Variants in FAM186B observed in about 807,000 individuals in gnomAD.
FAM186B encodes the protein protein FAM186B.
In FAM186B, 68 loss-of-function variants were observed where a neutral mutation model predicts 83.4. The ratio of observed to expected loss-of-function variants is 0.81; its 90% CI spans 0.67 to 1.00. The LOEUF (loss-of-function observed/expected upper bound fraction) is 1.00, where lower values mean the gene tolerates loss of function less well. FAM186B is among the 50% of genes least tolerant of loss of function. FAM186B has a pLI of 0.00. For synonymous variants in FAM186B, 389 were observed against 422.0 expected (o/e 0.92, Z 0.96); for missense variants, 983 against 1,099.2 (o/e 0.89, Z 1.49).
chr12:49,601,600 C>T (rs1041175329), intron 3 of FAM186B, among the ~76,000 whole-genome samples: 1 of 151,798 alleles, frequency 6.6e-6, no homozygotes, highest in Non-Finnish European at 1.5e-5. Context: ...ACATGGTCCT[C>T]CAACTGTTCA....
At chr12:49,592,124 G>C (rs1939593875) in intron 5 of FAM186B, among the ~76,000 whole-genome samples, 1 of 152,184 alleles carries the variant, frequency 6.6e-6, no homozygotes, top group Non-Finnish European at 1.5e-5. Flanking sequence ...ACTATTGTAA[G>C]GTTCTTACAC....
Position 49,600,256 on chromosome 12 carries a change from G to C in FAM186B, c.1384C>G (p.Gln462Glu), listed in dbSNP as rs566685124. The C allele has an allele frequency of 1.9e-6, 3 of 1,613,930 alleles. No homozygotes were observed. The highest frequency in any genetic ancestry group is 2.5e-6 in the Non-Finnish European group (3 of 1,179,968). ...TGCCTGGAGCTCTCTAGAGACAGCT[G>C]CTTGCTACAGTGGAACTTAATTTGG... ...GLQIKFHCSK[Q>E]LSLESSRQVT... Residue 462 changes from glutamine (Q) to glutamate (E), a missense_variant, in exon 4 of 7, where the codon CAG (glutamine) becomes GAG (glutamate). Gln to Glu is a conservative substitution (Grantham distance 29). Transcript: ENST00000257894. This position sits in a 1 kb window ranked among gnomAD's most constrained non-coding sequence, Gnocchi z 4.3.
chr12:49,593,617 A>G (rs1415338280), intron 5 of FAM186B, among the ~76,000 whole-genome samples: 1 of 149,248 alleles, frequency 6.7e-6, no homozygotes, highest in Non-Finnish European at 1.5e-5. Context: ...CCTGGGTGAC[A>G]GCAAGACTCC....
chr12:49,610,159 G>C (rs1361999390), upstream of FAM186B, among the ~76,000 whole-genome samples: 1 of 148,668 alleles, frequency 6.7e-6, no homozygotes, highest in African/African-American at 2.5e-5. Flanking sequence ...AAAAAAAACC[G>C]ATATTATAGG....
At position 49,604,420 on chromosome 12, in the gene FAM186B, T is replaced by C. The variant is rs1319082726; in HGVS notation, c.215A>G (p.Lys72Arg). The C allele has an allele frequency of 1.2e-6, 2 of 1,614,272 alleles. No homozygotes were observed. Among genetic ancestry groups the C allele is most frequent in the Non-Finnish European group, 1.7e-6 (2 of 1,180,042 alleles). The change falls in exon 2 of 7, where the codon AAG becomes AGG. Residue 72 changes from lysine (K) to arginine (R), a missense_variant. Physicochemically the swap from Lys to Arg is conservative, Grantham distance 26 (BLOSUM62 2). Coordinates refer to ENST00000257894, the MANE Select transcript of FAM186B (RefSeq NM_032130.3). ...CAGCAAGATGAATCTCTTCTTGCCC[T>C]TTGGATCTCTCTGCTGAGATTTGGC... ...ENAKSQQRDPKGKKRFILLEK... is the reference protein window; with the variant it reads ...ENAKSQQRDPRGKKRFILLEK...
intron 5 of FAM186B, among the ~76,000 whole-genome samples, chr12:49,591,993 T>C (rs748654043): frequency 6.6e-6 from 1 of 152,142 alleles, no homozygotes; most frequent in African/African-American, 2.4e-5. Context: ...GTTGATTGAA[T>C]CCACAGATGC....
chr12:49,584,732 CA>C (rs1413515262), downstream of FAM186B: 1 of 660,936 alleles, frequency 1.5e-6, no homozygotes, highest in East Asian at 2.7e-5. Flanking sequence ...AGCCCAGACT[CA>C]GCCTGGACAC....
Position 49,591,383 on chromosome 12 carries a change from T to C in FAM186B, c.2365-2760A>G, listed in dbSNP as rs75013722. On this transcript the variant is annotated intron_variant, in intron 5 of 6. Coordinates refer to ENST00000257894, the MANE Select transcript of FAM186B (RefSeq NM_032130.3). The stretch of plus-strand genomic sequence containing the variant: ...ACCATCCTCAGAGCTCATATATCCC[T>C]GGGAAGAGTTTGTGTTTACATCTGT... Among the ~76,000 whole-genome samples the C allele has an allele frequency of 2.9e-4, 44 of 152,220 alleles. No individual in the cohort carries two copies. In the East Asian group the frequency reaches 8.3e-3, roughly 29 times the overall value.
intron 1 of FAM186B, 165 bp from the exon 2 acceptor site, chr12:49,604,703 G>A (rs1028796040): frequency 1.7e-6 from 1 of 588,412 alleles, no homozygotes. Context: ...TTTCTGTAAG[G>A]ATTAAATGAA....
chr12:49,617,647 A>T, the FAM186B span, among the ~76,000 whole-genome samples: 2 of 152,260 alleles, frequency 1.3e-5, no homozygotes, highest in Admixed American at 1.3e-4. Context: ...TGTTTTCATG[A>T]ACCCAGAAAT....
chr12:49,583,376 T>G (rs1179908558), downstream of FAM186B: 6 of 266,606 alleles, frequency 2.3e-5, no homozygotes, highest in Non-Finnish European at 1.5e-5. Context: ...ATAAAAATGC[T>G]TTCTAATTAT....
chr12:49,605,012 C>T (rs903179912), intron 1 of FAM186B, among the ~76,000 whole-genome samples: 1 of 152,150 alleles, frequency 6.6e-6, no homozygotes, highest in Non-Finnish European at 1.5e-5. Context: ...GACATTTCCC[C>T]AACCCCTATG....
downstream of FAM186B, chr12:49,583,141 G>A (rs1318563036): frequency 2.2e-6 from 1 of 446,070 alleles, no homozygotes; most frequent in Admixed American, 2.5e-5. Flanking sequence ...GAAAATATGG[G>A]TGCCAAAATA....
chr12:49,588,829 TGTTA>T (rs1241556528), intron 5 of FAM186B, among the ~76,000 whole-genome samples: 9 of 152,304 alleles, frequency 5.9e-5, no homozygotes, highest in African/African-American at 1.7e-4. Flanking sequence ...TTTTTTGCTG[TGTTA>T]GTTCCTGTTT....
chr12:49,584,462 A>G, downstream of FAM186B: 1 of 701,290 alleles, frequency 1.4e-6, no homozygotes, highest in South Asian at 1.5e-5. Flanking sequence ...AAGGTTGAGA[A>G]TCACTGGCTG....
At chr12:49,610,789 CAA>C in the FAM186B span, among the ~76,000 whole-genome samples, 23 of 63,566 alleles carry the variant, frequency 3.6e-4, no homozygotes, top group Middle Eastern at 0.01. Context: ...GACTCCATCT[CAA>C]AAAAAAAAAA....
rs748392009 is a variant in FAM186B at position 49,587,733 on chromosome 12, C to T, written c.2554G>A (p.Glu852Lys). Residue 852 changes from glutamate (E) to lysine (K), a missense_variant, in exon 7 of 7, where the codon GAG (glutamate) becomes AAG (lysine). Physicochemically the swap from Glu to Lys is moderately conservative, Grantham distance 56. Transcript: ENST00000257894. ...GCCACCTCGGTCTTCCAGACAGCCTCCATCTGCTTCCCCTGTTGGCTGGGA... is the reference window on the plus strand; with the variant it reads ...GCCACCTCGGTCTTCCAGACAGCCTTCATCTGCTTCCCCTGTTGGCTGGGA... ...QMARQQGKQM[E>K]AVWKTEVASS... 6.2e-7 allele frequency: 1 copy of T among 1,613,622 alleles called. No individual in the cohort carries two copies. Among genetic ancestry groups the T allele is most frequent in the East Asian group, 2.2e-5 (1 of 44,888 alleles).
Position 49,600,863 on chromosome 12 carries a change from G to T in FAM186B, c.777C>A (p.Thr259=), listed in dbSNP as rs761068720. The change falls in exon 4 of 7, where the codon ACC becomes ACA. Residue 259 remains threonine (T), a synonymous_variant. Coordinates refer to ENST00000257894, the MANE Select transcript of FAM186B (RefSeq NM_032130.3). This position sits in a 1 kb window ranked among gnomAD's most constrained non-coding sequence, Gnocchi z 4.3. The part of the protein sequence containing the change: ...LQHKENRSLE[T]KYRHLQMQAT... Reference sequence around the variant, plus strand: ...CCTGCATTTGCAGGTGCCTGTATTTGGTCTCCAGGCTCCTGTTCTCCTTGT... The same window carrying T: ...CCTGCATTTGCAGGTGCCTGTATTTTGTCTCCAGGCTCCTGTTCTCCTTGT... 44 of 1,613,466 alleles carry T rather than the reference G, an allele frequency of 2.7e-5. No individual in the cohort carries two copies. The highest frequency in any genetic ancestry group is 3.6e-5 in the Non-Finnish European group (43 of 1,179,838).
At chr12:49,612,034 A>G in the FAM186B span, among the ~76,000 whole-genome samples, 1 of 152,138 alleles carries the variant, frequency 6.6e-6, no homozygotes. Flanking sequence ...ACAAAAATAC[A>G]GTTAGGTGAA....
Sources: allele counts gnomAD v4.1 joint callset (sites outside exome capture counted in the v4.1 genomes callset), GRCh38; gene constraint gnomAD v4.1.1; non-coding constraint Gnocchi (gnomAD v3.1); transcripts MANE v1.5; gene names NCBI Gene and HGNC (gene_info 2026-07-23, HGNC 2026-07-21).